The following ASTN1 variants were observed in gnomAD, a reference collection of about 807,000 sequenced individuals.
The protein encoded by ASTN1 is astrotactin-1.
ASTN1 carries 41 observed loss-of-function variants against 140.7 expected under a neutral mutation model. That is an observed-to-expected ratio of 0.29 (90% CI 0.23 to 0.38). The LOEUF (loss-of-function observed/expected upper bound fraction) is 0.38. ASTN1 is among the 10% of genes least tolerant of loss of function. ASTN1 has a pLI of 1.00. For missense variants in ASTN1, 1,479 were observed against 1,678.8 expected (o/e 0.88, Z 2.08); for synonymous variants, 640 against 652.2 (o/e 0.98, Z 0.29).
At chr1:177,161,867 C>T (rs1011741784) in intron 1 of ASTN1, among the ~76,000 whole-genome samples, 3 of 152,186 alleles carry the variant, frequency 2.0e-5, no homozygotes, top group Non-Finnish European at 4.4e-5. Context: ...CACAGCATCC[C>T]TATACCCCTT....
At chr1:177,144,246 C>T (rs1219823336) in intron 1 of ASTN1, among the ~76,000 whole-genome samples, 2 of 149,866 alleles carry the variant, frequency 1.3e-5, no homozygotes, top group South Asian at 4.2e-4. Flanking sequence ...GGAAGTGGAA[C>T]TCAATGATTT....
chr1:177,140,894 T>C (rs1161558413), intron 1 of ASTN1, among the ~76,000 whole-genome samples: 1 of 152,190 alleles, frequency 6.6e-6, no homozygotes, highest in Non-Finnish European at 1.5e-5. Flanking sequence ...CTATTTACCT[T>C]ATGAAGTCTT....
intron 17 of ASTN1, among the ~76,000 whole-genome samples, chr1:176,893,548 A>G (rs1323888650): frequency 6.6e-6 from 1 of 152,210 alleles, no homozygotes; most frequent in African/African-American, 2.4e-5. Flanking sequence ...CAGGTAGGCG[A>G]GAGAAACACA....
Position 176,861,555 on chromosome 1 carries a change from A to C in ASTN1, c.*2729T>G. 1 of 985,828 alleles carries C rather than the reference A, an allele frequency of 1.0e-6. No individual in the cohort carries two copies. The highest frequency in any genetic ancestry group is 1.2e-6 in the Non-Finnish European group (1 of 829,962). The allele number at this position is 985,828 out of a possible 1,614,324, so 61.1% of individuals were successfully genotyped here. On this transcript the variant is annotated 3_prime_UTR_variant, in exon 23 of 23. Coordinates refer to ENST00000361833, the MANE Select transcript of ASTN1 (RefSeq NM_004319.3). ...CAGGTTGAGATCAATAGTGTCTTCCAAGGGGAAAAAATCCTCCAGTCAATT... is the reference window on the plus strand; with the variant it reads ...CAGGTTGAGATCAATAGTGTCTTCCCAGGGGAAAAAATCCTCCAGTCAATT...
At chr1:177,053,795 A>G (rs1677657710) in intron 2 of ASTN1, among the ~76,000 whole-genome samples, 2 of 152,182 alleles carry the variant, frequency 1.3e-5, no homozygotes, top group Admixed American at 6.5e-5. Flanking sequence ...CTTCCCTGCC[A>G]ATAAACCCAC....
chr1:176,994,102 A>ACC (rs371555407), intron 8 of ASTN1, among the ~76,000 whole-genome samples: 18 of 123,228 alleles, frequency 1.5e-4, no homozygotes, highest in African/African-American at 4.9e-4. Flanking sequence ...TTTTCACCCC[A>ACC]CCCCCCCCGC....
At chr1:177,025,683 G>A (rs546071778) in intron 5 of ASTN1, among the ~76,000 whole-genome samples, 136 of 152,094 alleles carry the variant, frequency 8.9e-4, no homozygotes, top group African/African-American at 3.1e-3. Flanking sequence ...GTTTTTTTAC[G>A]TACCTTATTT....
At chr1:177,084,162 A>G (rs1380122044) in intron 1 of ASTN1, among the ~76,000 whole-genome samples, 1 of 152,176 alleles carries the variant, frequency 6.6e-6, no homozygotes, top group Non-Finnish European at 1.5e-5. Flanking sequence ...AGTAGGAGTT[A>G]AATTCTCAGA....
chr1:177,075,650 T>C (rs570729300), intron 1 of ASTN1, among the ~76,000 whole-genome samples: 15 of 137,552 alleles, frequency 1.1e-4, no homozygotes, highest in African/African-American at 1.8e-4. Context: ...CTTTTCTTTT[T>C]TTTTTTTTTT....
At chr1:177,008,051 T>G (rs1449751909) in intron 8 of ASTN1, among the ~76,000 whole-genome samples, 2 of 152,206 alleles carry the variant, frequency 1.3e-5, no homozygotes, top group East Asian at 3.9e-4. Flanking sequence ...AGAAAATCCC[T>G]GAGAAGGAGG....
chr1:177,070,895 C>G (rs1367154211), intron 1 of ASTN1, among the ~76,000 whole-genome samples: 2 of 152,084 alleles, frequency 1.3e-5, no homozygotes, highest in Admixed American at 1.3e-4. Flanking sequence ...CTTAGCAGTA[C>G]CTGGAGTTTA....
intron 1 of ASTN1, among the ~76,000 whole-genome samples, chr1:177,063,458 A>G (rs115623069): frequency 0.03 from 4,506 of 152,168 alleles, 225 homozygotes; most frequent in African/African-American, 0.1. Flanking sequence ...CTGGCTTTCT[A>G]TAAGCATGGC....
At chr1:177,085,237 T>G (rs1679404874) in intron 1 of ASTN1, among the ~76,000 whole-genome samples, 2 of 152,184 alleles carry the variant, frequency 1.3e-5, no homozygotes, top group African/African-American at 4.8e-5. Flanking sequence ...GGACCCTAGT[T>G]TCTTACCTAT....
At chr1:176,932,458 AAG>A (rs1454497310) in intron 16 of ASTN1, among the ~76,000 whole-genome samples, 5 of 152,218 alleles carry the variant, frequency 3.3e-5, no homozygotes, top group African/African-American at 9.6e-5. Flanking sequence ...AATATATTTA[AAG>A]AACCAGACTA....
intron 1 of ASTN1, among the ~76,000 whole-genome samples, chr1:177,124,642 A>G (rs1342180529): frequency 2.6e-5 from 4 of 152,220 alleles, no homozygotes; most frequent in Admixed American, 6.5e-5. Flanking sequence ...AGGAACAAAG[A>G]AAAAACACAG....
chr1:177,146,100 A>T (rs551219206), intron 1 of ASTN1, among the ~76,000 whole-genome samples: 27 of 151,228 alleles, frequency 1.8e-4, no homozygotes, highest in Admixed American at 9.2e-4. Context: ...ATATTTTATT[A>T]AAAAAAAACC....
At chr1:176,861,034 G>C, downstream of ASTN1, 1 of 931,606 alleles carries the variant, frequency 1.1e-6, no homozygotes, top group Non-Finnish European at 1.3e-6. Flanking sequence ...AGTTCACTCA[G>C]ATTACTGAAA....
At chr1:176,887,775 C>T (rs933496479) in intron 18 of ASTN1, among the ~76,000 whole-genome samples, 1 of 151,988 alleles carries the variant, frequency 6.6e-6, no homozygotes, top group African/African-American at 2.4e-5. Flanking sequence ...ACTTTCTCCA[C>T]CTTCAAGGAG....
At chr1:176,987,314 T>C (rs1344718447) in intron 8 of ASTN1, among the ~76,000 whole-genome samples, 1 of 152,192 alleles carries the variant, frequency 6.6e-6, no homozygotes, top group Non-Finnish European at 1.5e-5. Context: ...CCAATATATA[T>C]ATGAACAGGT....
Sources: allele counts gnomAD v4.1 joint callset (sites outside exome capture counted in the v4.1 genomes callset), GRCh38; gene constraint gnomAD v4.1.1; transcripts MANE v1.5; gene names NCBI Gene and HGNC (gene_info 2026-07-23, HGNC 2026-07-21).